TBC1D31: variants seen among roughly 807,000 people sequenced by gnomAD.
The protein encoded by TBC1D31 is WD repeat domain 67.
Under a neutral mutation model 132.9 loss-of-function variants are expected in TBC1D31, and 99 were observed. The observed-to-expected ratio is 0.74, with a 90% CI of 0.63 to 0.88. The LOEUF is 0.88. Ranked by LOEUF, TBC1D31 falls within the 40% of genes least tolerant of loss-of-function variation. The pLI is 0.00. For synonymous variants in TBC1D31, 385 were observed against 419.4 expected (o/e 0.92, Z 1.00); for missense variants, 1,134 against 1,256.6 (o/e 0.90, Z 1.48).
In TBC1D31 at chr8:123,084,722, CT is replaced by C. The variant is rs1212580691; in HGVS notation, c.519+385del. Among the ~76,000 whole-genome samples the C allele has an allele frequency of 2.0e-5, 3 of 151,974 alleles. No individual in the cohort carries two copies. The South Asian group carries it at 6.2e-4, about 32-fold the overall frequency. On this transcript the variant is annotated intron_variant, in intron 4 of 21. Transcript: ENST00000287380. ...ACCATTAACATGTTACTGTACTATCCTTTACTCTACTTTACATGGTACCATA... is the reference window on the plus strand; with the variant it reads ...ACCATTAACATGTTACTGTACTATCCTTACTCTACTTTACATGGTACCATA...
chr8:123,164,437 C>A, the TBC1D31 span, among the ~76,000 whole-genome samples: 1 of 152,028 alleles, frequency 6.6e-6, no homozygotes, highest in Non-Finnish European at 1.5e-5. Context: ...GAAGAATAAT[C>A]CAGGCCAGGC....
intron 14 of TBC1D31, 53 bp downstream of exon 14, chr8:123,128,566 A>C: frequency 7.8e-7 from 1 of 1,277,654 alleles, no homozygotes; most frequent in Admixed American, 2.1e-5. Flanking sequence ...TGTTATAAAC[A>C]TAAGAAAGTT....
At position 123,084,266 on chromosome 8, in the gene TBC1D31, G is replaced by A. The variant is rs1815485106; in HGVS notation, c.445G>A (p.Ala149Thr). ...KYAITTSSDT[A>T]QLWDLDTFQR... ...TGCCATCACAACTTCTTCTGATACA[G>A]CACAATTATGGGACTTGGATACCTT... Residue 149 changes from alanine (A) to threonine (T), a missense_variant, in exon 4 of 22, where the codon GCA becomes ACA. Transcript: ENST00000287380. 6.2e-7 allele frequency: 1 copy of A among 1,614,168 alleles called. No individual in the cohort carries two copies.
At chr8:123,134,452 T>C (rs534194333) in intron 17 of TBC1D31, among the ~76,000 whole-genome samples, 11 of 151,914 alleles carry the variant, frequency 7.2e-5, no homozygotes, top group Non-Finnish European at 1.6e-4. Flanking sequence ...ACTTGAGCCC[T>C]GGAGTTCGAG....
At chr8:123,135,858 G>A (rs1821043258) in intron 17 of TBC1D31, among the ~76,000 whole-genome samples, 1 of 152,152 alleles carries the variant, frequency 6.6e-6, no homozygotes, top group Non-Finnish European at 1.5e-5. Flanking sequence ...TGGGGGTGGA[G>A]GATAGTGGCA....
Position 123,110,162 on chromosome 8 carries a change from C to A in TBC1D31, c.1436+542C>A, listed in dbSNP as rs997802139. Among the ~76,000 whole-genome samples the A allele has an allele frequency of 2.6e-5, 4 of 152,176 alleles. No homozygotes were observed. In the East Asian group the frequency reaches 7.7e-4, roughly 29 times the overall value. ...AAGGCAAAAGACCTAGTTTTGAATT[C>A]TTATTCTACCACTTAATGATTGTGA... On this transcript the variant is annotated intron_variant, in intron 10 of 21. Transcript: ENST00000287380.
rs768516417 is a variant in TBC1D31, at chr8:123,128,344, A to T, written c.1948A>T (p.Met650Leu). 3 of 1,613,812 alleles carry T rather than the reference A, an allele frequency of 1.9e-6. No homozygotes were observed. The East Asian group carries it at 6.7e-5, about 36-fold the overall frequency. ...TGTGATTAGACAAGTTTATCATCTC[A>T]TGGAGACCACGCCTACTGACATTCA... ...NVVIRQVYHLMETTPTDIHPD... is the reference protein window; with the variant it reads ...NVVIRQVYHLLETTPTDIHPD... The change falls in exon 14 of 22, where the codon ATG becomes TTG. Residue 650 changes from methionine to leucine, a missense_variant. Met to Leu is a conservative substitution (Grantham distance 15). Coordinates refer to ENST00000287380, the MANE Select transcript of TBC1D31 (RefSeq NM_145647.4).
At chr8:123,088,799 T>C (rs185593995) in intron 4 of TBC1D31, among the ~76,000 whole-genome samples, 164 of 152,324 alleles carry the variant, frequency 1.1e-3, no homozygotes, top group African/African-American at 3.8e-3. Flanking sequence ...GTCTTCTACT[T>C]TTTTTCTCAT....
At chr8:123,094,248 G>C (rs962963747) in intron 5 of TBC1D31, among the ~76,000 whole-genome samples, 1 of 151,886 alleles carries the variant, frequency 6.6e-6, no homozygotes, top group African/African-American at 2.4e-5. Flanking sequence ...ATTTTTAGTA[G>C]AGACAGGGTT....
At chr8:123,079,648 T>C (rs1814931071) in intron 2 of TBC1D31, among the ~76,000 whole-genome samples, 1 of 152,236 alleles carries the variant, frequency 6.6e-6, no homozygotes, top group African/African-American at 2.4e-5. Flanking sequence ...TTTGCTTGTC[T>C]ACGGTTACTT....
intron 2 of TBC1D31, among the ~76,000 whole-genome samples, chr8:123,078,163 G>A (rs1814741224): frequency 6.6e-6 from 1 of 152,176 alleles, no homozygotes; most frequent in East Asian, 1.9e-4. Context: ...CATGCAGCGG[G>A]GCTAAGAGGG....
chr8:123,119,536 C>T (rs771376718), intron 10 of TBC1D31, among the ~76,000 whole-genome samples: 8 of 152,114 alleles, frequency 5.3e-5, no homozygotes, highest in Non-Finnish European at 1.0e-4. Context: ...TATAGTGAGA[C>T]CCTGTCTCTA....
rs534283598 is a variant in TBC1D31 at position 123,114,541 on chromosome 8, G to A, written c.1436+4921G>A. On this transcript the variant is annotated intron_variant, in intron 10 of 21. Coordinates refer to ENST00000287380, the MANE Select transcript of TBC1D31 (RefSeq NM_145647.4). ...TTCACCAAGTTTGCCAGGCTGGTCT[G>A]GAATTCCTGACCTCAGGTGATCTGC... Among the ~76,000 whole-genome samples, 9 of 152,204 alleles carry A rather than the reference G, an allele frequency of 5.9e-5. No homozygotes were observed. The South Asian group carries it at 1.7e-3, about 28-fold the overall frequency.
intron 10 of TBC1D31, among the ~76,000 whole-genome samples, chr8:123,117,326 A>C (rs1819016052): frequency 6.6e-6 from 1 of 152,058 alleles, no homozygotes; most frequent in African/African-American, 2.4e-5. Context: ...AAAAAAAAAA[A>C]TTCTAGGATT....
intron 16 of TBC1D31, 53 bp from the exon 17 acceptor site, chr8:123,134,061 A>C: frequency 7.2e-7 from 1 of 1,396,260 alleles, no homozygotes; most frequent in South Asian, 1.3e-5. Context: ...AAATATATTA[A>C]AAATTATTTT....
intron 20 of TBC1D31, among the ~76,000 whole-genome samples, chr8:123,148,652 G>A (rs558873579): frequency 1.3e-5 from 2 of 152,296 alleles, no homozygotes; most frequent in South Asian, 2.1e-4. Context: ...AGTGGCCAGC[G>A]TGCTTGTGCC....
chr8:123,108,735 C>A (rs1284108043), intron 8 of TBC1D31, among the ~76,000 whole-genome samples: 4 of 152,120 alleles, frequency 2.6e-5, no homozygotes, highest in African/African-American at 9.7e-5. Flanking sequence ...CTACCTGAGA[C>A]TGAGCAATTT....
At chr8:123,101,860 GC>G (rs1817456092) in intron 7 of TBC1D31, among the ~76,000 whole-genome samples, 5 of 152,260 alleles carry the variant, frequency 3.3e-5, no homozygotes, top group Admixed American at 3.3e-4. Context: ...TGCTTGCCCT[GC>G]CCATCCTTCC....
At position 123,126,056 on chromosome 8, in the gene TBC1D31, T is replaced by C. The variant is rs750188986; in HGVS notation, c.1571T>C (p.Ile524Thr). Residue 524 changes from isoleucine (I) to threonine (T), a missense_variant and splice_region_variant, in exon 12 of 22, where the codon ATC (isoleucine) becomes ACC (threonine). Coordinates refer to ENST00000287380, the MANE Select transcript of TBC1D31 (RefSeq NM_145647.4). ...ICFEVIATLI[I>T]NWCQHWFEYF... is the part of the protein sequence containing the mutation. Reference sequence around the variant, plus strand: ...ATGTTTTCTTTTTTTTCCTTCATAGTCAATTGGTGTCAACACTGGTTTGAA... The same window carrying C: ...ATGTTTTCTTTTTTTTCCTTCATAGCCAATTGGTGTCAACACTGGTTTGAA... The C allele has an allele frequency of 2.5e-6, 4 of 1,580,620 alleles. No homozygotes were observed. The highest frequency in any genetic ancestry group is 2.6e-6 in the Non-Finnish European group (3 of 1,166,110).
Sources: gnomAD v4.1 joint callset for allele counts (sites outside exome capture counted in the v4.1 genomes callset) on GRCh38, gnomAD v4.1.1 for gene constraint, MANE v1.5 for transcripts, NCBI Gene and HGNC (gene_info 2026-07-23, HGNC 2026-07-21) for gene names.